FRZB: variants seen among roughly 807,000 people sequenced by gnomAD.
FRZB encodes frizzled related protein, also known as secreted frizzled-related protein 3.
Under a neutral mutation model 32.5 loss-of-function variants are expected in FRZB, and 34 were observed. That is an observed-to-expected ratio of 1.05 (90% CI 0.80 to 1.39). The LOEUF (loss-of-function observed/expected upper bound fraction) is 1.39. FRZB is among the 40% of genes most tolerant of loss of function. FRZB has a pLI of 0.00. For missense variants in FRZB, 423 were observed against 424.8 expected, an observed-to-expected ratio of 1.00 and a Z score of 0.04; for synonymous variants, 170 against 159.2, an observed-to-expected ratio of 1.07 and a Z score of -0.51.
At chr2:182,861,958 T>C (rs1695837736) in intron 1 of FRZB, among the ~76,000 whole-genome samples, 1 of 152,220 alleles carries the variant, frequency 6.6e-6, no homozygotes, top group South Asian at 2.1e-4. Context: ...CCAGAGTGCC[T>C]TTCAGTATTT....
chr2:182,858,561 T>C (rs1002945540), intron 2 of FRZB, among the ~76,000 whole-genome samples: 1 of 152,168 alleles, frequency 6.6e-6, no homozygotes, highest in Non-Finnish European at 1.5e-5. Flanking sequence ...CATAAATCTC[T>C]ACATAATATT....
At chr2:182,856,858 A>G (rs756536569) in intron 2 of FRZB, among the ~76,000 whole-genome samples, 24 of 152,120 alleles carry the variant, frequency 1.6e-4, no homozygotes, top group Non-Finnish European at 3.1e-4. Flanking sequence ...AAAATCCACA[A>G]TATTTGGAGA....
intron 2 of FRZB, among the ~76,000 whole-genome samples, chr2:182,845,155 A>G (rs1426090841): frequency 6.6e-6 from 1 of 152,214 alleles, no homozygotes; most frequent in African/African-American, 2.4e-5. Flanking sequence ...GATCTGAAAC[A>G]TAATCCTCAT....
At chr2:182,843,657 G>A (rs998311965) in intron 2 of FRZB, among the ~76,000 whole-genome samples, 20 of 152,082 alleles carry the variant, frequency 1.3e-4, no homozygotes, top group African/African-American at 3.9e-4. Flanking sequence ...AAGCGCTCAC[G>A]CCTGTAATCC....
chr2:182,850,607 T>C (rs535500964), intron 2 of FRZB, among the ~76,000 whole-genome samples: 72 of 152,296 alleles, frequency 4.7e-4, no homozygotes, highest in Admixed American at 9.8e-4. Context: ...TATACTACAT[T>C]CTCTTTATCC....
chr2:182,851,647 C>A (rs1218623224), intron 2 of FRZB, among the ~76,000 whole-genome samples: 1 of 151,536 alleles, frequency 6.6e-6, no homozygotes, highest in Non-Finnish European at 1.5e-5. Flanking sequence ...CAGAGTGAGA[C>A]TCCATCTCAA....
chr2:182,865,942 G>A (rs1695884818), intron 1 of FRZB, 133 bp downstream of exon 1: 1 of 700,722 alleles, frequency 1.4e-6, no homozygotes. Flanking sequence ...AAGGGTCTTT[G>A]ATAGAGGAGC....
At chr2:182,847,975 G>C (rs912257410) in intron 2 of FRZB, among the ~76,000 whole-genome samples, 1 of 151,388 alleles carries the variant, frequency 6.6e-6, no homozygotes, top group Non-Finnish European at 1.5e-5. Context: ...AAGGGTATCA[G>C]TATTGCAGTA....
intron 2 of FRZB, among the ~76,000 whole-genome samples, chr2:182,856,716 C>T (rs190229560): frequency 8.6e-4 from 131 of 151,912 alleles, no homozygotes; most frequent in Non-Finnish European, 1.5e-3. Flanking sequence ...AGAAAATTAC[C>T]AAGGATAAAA....
intron 3 of FRZB, 144 bp downstream of exon 3, chr2:182,842,334 A>T (rs1411602344): frequency 3.2e-6 from 2 of 632,558 alleles, no homozygotes; most frequent in Non-Finnish European, 5.7e-6. Flanking sequence ...GGGCAGAGGG[A>T]CTATGCTCCT....
chr2:182,836,565 G>T (rs1458254208), intron 5 of FRZB, among the ~76,000 whole-genome samples: 1 of 152,064 alleles, frequency 6.6e-6, no homozygotes, highest in African/African-American at 2.4e-5. Flanking sequence ...AACAAGCCAT[G>T]TGTCCTGTCA....
rs746600619 is a variant in FRZB, at chr2:182,834,486, A to T, written c.*363T>A. 1 of 211,766 alleles carries T rather than the reference A, an allele frequency of 4.7e-6. No homozygotes were observed. Among genetic ancestry groups the T allele is most frequent in the Non-Finnish European group, 9.5e-6 (1 of 104,844 alleles). The allele number at this position is 211,766 out of a possible 1,614,324, so 13.1% of individuals were successfully genotyped here. A position where few individuals can be genotyped will look rare whatever the true frequency, so the allele number is the denominator to read the frequency against. ...GTGAATACCAGAAACCTCTCTTTTCATCCAATATTGCATTCCCAATTGGGG... is the reference window on the plus strand; with the variant it reads ...GTGAATACCAGAAACCTCTCTTTTCTTCCAATATTGCATTCCCAATTGGGG... On this transcript the variant is annotated 3_prime_UTR_variant, in exon 6 of 6. Transcript: ENST00000295113.
At chr2:182,859,567 T>C (rs1468649879) in intron 1 of FRZB, among the ~76,000 whole-genome samples, 3 of 152,144 alleles carry the variant, frequency 2.0e-5, no homozygotes, top group African/African-American at 7.2e-5. Context: ...ATTTAGTACT[T>C]TATATAAGAG....
In FRZB at chr2:182,834,509, G is replaced by C. The variant is rs1397170039; in HGVS notation, c.*340C>G. 1 of 246,464 alleles carries C rather than the reference G, an allele frequency of 4.1e-6. No homozygotes were observed. Among genetic ancestry groups the C allele is most frequent in the Admixed American group, 4.9e-5 (1 of 20,350 alleles). The allele number at this position is 246,464 out of a possible 1,614,324, so 15.3% of individuals were successfully genotyped here. On this transcript the variant is annotated 3_prime_UTR_variant, in exon 6 of 6. Transcript: ENST00000295113. ...TCATCCAATATTGCATTCCCAATTG[G>C]GGTGCAGAAAGTAAATTAACATCTG... is the stretch of plus-strand genomic sequence containing the variant.
chr2:182,849,606 A>T (rs1157781560), intron 2 of FRZB, among the ~76,000 whole-genome samples: 1 of 152,214 alleles, frequency 6.6e-6, no homozygotes, highest in Non-Finnish European at 1.5e-5. Flanking sequence ...GCGATATAAC[A>T]AGGCTTTACA....
chr2:182,838,104 T>A, intron 4 of FRZB, 93 bp from the exon 5 acceptor site: 1 of 953,186 alleles, frequency 1.0e-6, no homozygotes, highest in East Asian at 2.5e-5. Flanking sequence ...AAGACTTATA[T>A]GTTTATTCTT....
rs1313734604 is a variant in FRZB at position 182,838,589 on chromosome 2, A to G, written c.617T>C (p.Ile206Thr). Residue 206 changes from isoleucine (I) to threonine (T), a missense_variant, in exon 4 of 6, where the codon ATA (isoleucine) becomes ACA (threonine). By Grantham distance (89) the Ile-to-Thr change is moderately conservative. Transcript: ENST00000295113. ...AGTCACATCATGGCACTTAGTCTTT[A>G]TCTCTTTAACTTTAGCCCGAATGAC... ...NYVIRAKVKEIKTKCHDVTAV... is the reference protein window; with the variant it reads ...NYVIRAKVKETKTKCHDVTAV... The G allele has an allele frequency of 6.2e-7, 1 of 1,612,714 alleles. No individual in the cohort carries two copies. The highest frequency in any genetic ancestry group is 2.2e-5 in the East Asian group (1 of 44,846).
chr2:182,854,246 A>T (rs1215485062), intron 2 of FRZB, among the ~76,000 whole-genome samples: 2 of 152,150 alleles, frequency 1.3e-5, no homozygotes, highest in Admixed American at 1.3e-4. Context: ...TGATTTGTGC[A>T]CTTTTCTGCA....
At chr2:182,851,626 A>G (rs892696217) in intron 2 of FRZB, among the ~76,000 whole-genome samples, 7 of 152,154 alleles carry the variant, frequency 4.6e-5, no homozygotes, top group African/African-American at 1.7e-4. Context: ...ATTGCACTCC[A>G]GCCTGAGCAA....
Sources: gnomAD v4.1 joint callset for allele counts (sites outside exome capture counted in the v4.1 genomes callset) on GRCh38, gnomAD v4.1.1 for gene constraint, MANE v1.5 for transcripts, NCBI Gene and HGNC (gene_info 2026-07-23, HGNC 2026-07-21) for gene names.